The following CPSF4 variants were observed in gnomAD, a reference collection of about 807,000 sequenced individuals.
The protein encoded by CPSF4 is cleavage and polyadenylation specificity factor subunit 4.
A neutral mutation model predicts 37.7 loss-of-function variants in CPSF4; 11 were observed. The ratio of observed to expected loss-of-function variants is 0.29; its 90% CI spans 0.18 to 0.48. The LOEUF (loss-of-function observed/expected upper bound fraction) is 0.48. Ranked by LOEUF, CPSF4 falls within the 20% of genes least tolerant of loss-of-function variation. CPSF4 has a pLI of 0.99. For missense variants in CPSF4, 144 were observed against 359.5 expected, an observed-to-expected ratio of 0.40 and a Z score of 4.85; for synonymous variants, 132 against 135.9, an observed-to-expected ratio of 0.97 and a Z score of 0.20.
intron 1 of CPSF4, chr7:99,442,812 G>A (rs1330035705): frequency 2.1e-5 from 17 of 828,514 alleles, no homozygotes. Context: ...ACTGCATTTA[G>A]TATATATGTG....
At chr7:99,445,412 C>CAA (rs35628302) in intron 2 of CPSF4, among the ~76,000 whole-genome samples, 11 of 142,352 alleles carry the variant, frequency 7.7e-5, no homozygotes, top group African/African-American at 1.8e-4. Context: ...GACTCTATCT[C>CAA]AAAAAAAAAA....
At position 99,442,934 on chromosome 7, in the gene CPSF4, C is replaced by T. The variant is rs143425774; in HGVS notation, c.104-1855C>T. On this transcript the variant is annotated intron_variant, in intron 1 of 7. Coordinates refer to ENST00000292476, the MANE Select transcript of CPSF4 (RefSeq NM_006693.4). ...TTTTCCTCTTCTTTGCCTCTGTATC[C>T]TCTGTGGTTCCAGTTCCAGCTGAAC... 6.3e-3 allele frequency: 9,922 copies of T among 1,567,748 alleles called. 53 individuals are homozygous for T. The highest frequency in any genetic ancestry group is 7.0e-3 in the Non-Finnish European group (7,966 of 1,138,032).
In CPSF4 at chr7:99,448,472, T is replaced by C; in HGVS notation, c.307+199T>C. 1.8e-6 allele frequency: 1 copy of C among 566,894 alleles called. No individual in the cohort carries two copies. The highest frequency in any genetic ancestry group is 3.0e-6 in the Non-Finnish European group (1 of 330,522). 35.1% of individuals were successfully genotyped at this position (566,894 alleles called of 1,614,324 possible). A position where few individuals can be genotyped will look rare whatever the true frequency, so the allele number is the denominator to read the frequency against. On this transcript the variant is annotated intron_variant, in intron 3 of 7. Coordinates refer to ENST00000292476, the MANE Select transcript of CPSF4 (RefSeq NM_006693.4). The surrounding 1 kb of genome is among the most constrained non-coding windows in gnomAD (Gnocchi z 4.4). ...TTCTGCTCATCTCTTTTTTTTTTTT[T>C]TTTTTTTTAAAGACATAGGGTCTCG...
chr7:99,447,391 C>T (rs1180306944), intron 2 of CPSF4, among the ~76,000 whole-genome samples: 1 of 151,306 alleles, frequency 6.6e-6, no homozygotes, highest in Non-Finnish European at 1.5e-5. Flanking sequence ...GCCTCAGCCT[C>T]CCAAGTAGCT....
chr7:99,457,185 T>A lies in CPSF4; in HGVS notation c.*685T>A, dbSNP rs1030186649. 6.2e-6 allele frequency: 1 copy of A among 160,272 alleles called. No individual in the cohort carries two copies. Among genetic ancestry groups the A allele is most frequent in the African/African-American group, 2.4e-5 (1 of 41,526 alleles). 9.9% of individuals were successfully genotyped at this position (160,272 alleles called of 1,614,324 possible). A position where few individuals can be genotyped will look rare whatever the true frequency, so the allele number is the denominator to read the frequency against. ...TTAAATAGATGACCCCTTCAGATCA[T>A]CTGTGCCTACCTCCTGCCCATCAGG... On this transcript the variant is annotated 3_prime_UTR_variant, in exon 8 of 8. Coordinates refer to ENST00000292476, the MANE Select transcript of CPSF4 (RefSeq NM_006693.4).
chr7:99,441,300 C>T (rs1250034853), intron 1 of CPSF4: 1 of 421,388 alleles, frequency 2.4e-6, no homozygotes, highest in South Asian at 1.7e-5. Flanking sequence ...GAACCACCCA[C>T]GCAGGGCAGC....
chr7:99,440,685 T>TTTTTTTTTTTG, intron 1 of CPSF4, among the ~76,000 whole-genome samples: 1 of 137,566 alleles, frequency 7.3e-6, no homozygotes, highest in Non-Finnish European at 1.5e-5. Context: ...TTTTTTTTTT[T>TTTTTTTTTTTG]TTTTTTTTCC....
chr7:99,441,371 T>C (rs1796967459), intron 1 of CPSF4: 1 of 455,980 alleles, frequency 2.2e-6, no homozygotes, highest in Non-Finnish European at 4.4e-6. Context: ...GGAGGTACAG[T>C]GGCGAGGGGC....
intron 7 of CPSF4, among the ~76,000 whole-genome samples, 170 bp downstream of exon 7, chr7:99,454,306 T>C (rs568570598): frequency 2.6e-5 from 4 of 152,310 alleles, no homozygotes; most frequent in African/African-American, 9.6e-5. Flanking sequence ...CTAGAGACTG[T>C]CCTATTTCCT....
rs1584515993 is a variant in CPSF4 at position 99,454,074 on chromosome 7, A to G, written c.679A>G (p.Ser227Gly). 1 of 1,614,226 alleles carries G rather than the reference A, an allele frequency of 6.2e-7. No homozygotes were observed. Among genetic ancestry groups the G allele is most frequent in the East Asian group, 2.2e-5 (1 of 44,876 alleles). Residue 227 changes from serine to glycine, a missense_variant, in exon 7 of 8, where the codon AGT (serine) becomes GGT (glycine). Coordinates refer to ENST00000292476, the MANE Select transcript of CPSF4 (RefSeq NM_006693.4). ...RTPQVIGVMQ[S>G]QNSSAGNRGP... ...CCCGCAGGTCATCGGGGTCATGCAG[A>G]GTCAAAACAGCAGCGCGGGCAACCG...
At chr7:99,440,674 A>ATATATATATATATATATATATAT in intron 1 of CPSF4, among the ~76,000 whole-genome samples, 2 of 88,088 alleles carry the variant, frequency 2.3e-5, no homozygotes. Context: ...ATATATATAT[A>ATATATATATATATATATATATAT]TTTTTTTTTT....
intron 4 of CPSF4, 123 bp from the exon 5 acceptor site, chr7:99,450,579 T>C: frequency 2.3e-6 from 2 of 856,192 alleles, no homozygotes; most frequent in East Asian, 2.5e-5. Flanking sequence ...AGGAGGCCAG[T>C]GTTGGGAGGT....
chr7:99,442,964 G>T (rs11931), intron 1 of CPSF4: 1 of 1,593,066 alleles, frequency 6.3e-7, no homozygotes, highest in Non-Finnish European at 8.6e-7. Context: ...CTGAACTTGT[G>T]ACAATCCCAA....
At chr7:99,450,841 G>T (rs781434272) in intron 5 of CPSF4, 46 bp downstream of exon 5, 3 of 1,406,532 alleles carry the variant, frequency 2.1e-6, no homozygotes, top group Non-Finnish European at 3.0e-6. Flanking sequence ...CCCGGCCCAG[G>T]CCCTGCTGCC....
rs961514285 is a variant in CPSF4 at position 99,439,000 on chromosome 7, G to C, written c.-83G>C. 5.7e-6 allele frequency: 8 copies of C among 1,409,886 alleles called. No homozygotes were observed. The highest frequency in any genetic ancestry group is 6.6e-6 in the Non-Finnish European group (7 of 1,065,674). The allele number at this position is 1,409,886 out of a possible 1,614,324, so 87.3% of individuals were successfully genotyped here. On this transcript the variant is annotated 5_prime_UTR_variant, in exon 1 of 8. Coordinates refer to ENST00000292476, the MANE Select transcript of CPSF4 (RefSeq NM_006693.4). ...GAGGCGAAGCGAAGGAGGAGTGTGT[G>C]CGGCGGGGCCGGCGGCGGGTAAAGG...
intron 1 of CPSF4, chr7:99,442,911 T>C (rs1562855542): frequency 1.4e-6 from 2 of 1,432,410 alleles, no homozygotes; most frequent in Non-Finnish European, 2.0e-6. Context: ...CTCTGCTCTT[T>C]TCCTCTTCTT....
At position 99,439,102 on chromosome 7, in the gene CPSF4, G is replaced by A. The variant is rs1796634083; in HGVS notation, c.20G>A (p.Ser7Asn). 1 of 1,611,328 alleles carries A rather than the reference G, an allele frequency of 6.2e-7. No homozygotes were observed. The highest frequency in any genetic ancestry group is 1.7e-5 in the Admixed American group (1 of 59,888). The change falls in exon 1 of 8, where the codon AGC (serine) becomes AAC (asparagine). Residue 7 changes from serine to asparagine, a missense_variant. By Grantham distance (46) the Ser-to-Asn change is conservative. This residue lies in a region of CPSF4 where 42 missense variants were observed against 86.4 expected (regional missense o/e 0.49). Transcript: ENST00000292476. ...GCCGCCATGCAGGAAATCATCGCCAGCGTGGACCACATCAAGTTTGACTTG... is the reference window on the plus strand; with the variant it reads ...GCCGCCATGCAGGAAATCATCGCCAACGTGGACCACATCAAGTTTGACTTG... MQEIIA[S>N]VDHIKFDLEI...
chr7:99,447,433 T>TA (rs1342255955), intron 2 of CPSF4, among the ~76,000 whole-genome samples: 3 of 151,138 alleles, frequency 2.0e-5, no homozygotes, highest in African/African-American at 7.3e-5. Flanking sequence ...CAAGCCGGGC[T>TA]AATTTTTTTT....
Position 99,438,999 on chromosome 7 carries a change from T to C in CPSF4, c.-84T>C, listed in dbSNP as rs2150966855. 3 of 1,409,574 alleles carry C rather than the reference T, an allele frequency of 2.1e-6. No individual in the cohort carries two copies. In the South Asian group the frequency reaches 4.1e-5, roughly 19 times the overall value. 87.3% of individuals were successfully genotyped at this position (1,409,574 alleles called of 1,614,324 possible). ...CGAGGCGAAGCGAAGGAGGAGTGTG[T>C]GCGGCGGGGCCGGCGGCGGGTAAAG... On this transcript the variant is annotated 5_prime_UTR_variant, in exon 1 of 8. Transcript: ENST00000292476.
Sources: gnomAD v4.1 joint callset for allele counts (sites outside exome capture counted in the v4.1 genomes callset) on GRCh38, gnomAD v4.1.1 for gene constraint, gnomAD v4.1.1 regional missense constraint, Gnocchi (gnomAD v3.1) non-coding constraint, MANE v1.5 for transcripts, NCBI Gene and HGNC (gene_info 2026-07-23, HGNC 2026-07-21) for gene names.